The following FANCL variants were observed in gnomAD, a reference collection of about 807,000 sequenced individuals.
The protein encoded by FANCL is FA complementation group L.
FANCL carries 69 observed loss-of-function variants against 59.4 expected under a neutral mutation model. The ratio of observed to expected loss-of-function variants is 1.16; its 90% CI spans 0.96 to 1.42. FANCL has a LOEUF of 1.42. Among genes scored for constraint, FANCL ranks in the 40% most tolerant of loss-of-function variants. FANCL has a pLI of 0.00. For missense variants in FANCL, 519 were observed against 447.2 expected (o/e 1.16, Z -1.45); for synonymous variants, 180 against 147.1 (o/e 1.22, Z -1.62).
intron 7 of FANCL, among the ~76,000 whole-genome samples, chr2:58,171,880 G>A (rs987859007): frequency 1.3e-5 from 2 of 152,188 alleles, no homozygotes; most frequent in South Asian, 2.1e-4. Flanking sequence ...GACAGCACCC[G>A]GAAAATCGGG....
chr2:58,211,390 TG>T (rs1337721931), intron 5 of FANCL, among the ~76,000 whole-genome samples: 3 of 152,116 alleles, frequency 2.0e-5, no homozygotes, highest in Admixed American at 2.0e-4. Flanking sequence ...CACACAGTGC[TG>T]GGACCCTGTG....
intron 3 of FANCL, among the ~76,000 whole-genome samples, chr2:58,228,298 A>G (rs1476910975): frequency 2.0e-5 from 3 of 152,206 alleles, no homozygotes; most frequent in African/African-American, 7.2e-5. Context: ...AGAAAAAAAT[A>G]TTCTCAAGTT....
chr2:58,234,608 TC>T (rs1363962688), intron 1 of FANCL, among the ~76,000 whole-genome samples: 1 of 151,958 alleles, frequency 6.6e-6, no homozygotes, highest in African/African-American at 2.4e-5. Context: ...CAAGTACACT[TC>T]CTGGAGTTCC....
rs147860433 is a variant in FANCL at position 58,160,135 on chromosome 2, T to A, written c.1065A>T (p.Ile355=). Residue 355 remains isoleucine, a synonymous_variant, in exon 13 of 14, where the codon ATA becomes ATT. Coordinates refer to ENST00000233741, the MANE Select transcript of FANCL (RefSeq NM_018062.4). ...TACTACAATATGGACATTCACCAAA[T>A]ATGATGTTAAAACTCTGTCTACTAG... ...LLTSRQSFNI[I]FGECPYCSKP... is the part of the protein sequence containing the mutation. 6.2e-7 allele frequency: 1 copy of A among 1,612,898 alleles called. No homozygotes were observed. Among genetic ancestry groups the A allele is most frequent in the Admixed American group, 1.7e-5 (1 of 59,986 alleles).
At chr2:58,201,179 A>T (rs1689976091) in intron 6 of FANCL, among the ~76,000 whole-genome samples, 1 of 151,560 alleles carries the variant, frequency 6.6e-6, no homozygotes, top group African/African-American at 2.4e-5. Context: ...GATACTTTTC[A>T]ATAATAAGTT....
chr2:58,190,588 G>GA (rs1688836066), intron 7 of FANCL, among the ~76,000 whole-genome samples: 2 of 150,800 alleles, frequency 1.3e-5, no homozygotes, highest in African/African-American at 4.9e-5. Flanking sequence ...CATCCATAAA[G>GA]AAAAAAGTTA....
intron 6 of FANCL, among the ~76,000 whole-genome samples, chr2:58,201,732 C>T (rs887959557): frequency 1.3e-5 from 2 of 151,884 alleles, no homozygotes; most frequent in Non-Finnish European, 2.9e-5. Context: ...TGGTTTACTT[C>T]TACTTATTTA....
At chr2:58,225,775 T>C (rs895470882) in intron 4 of FANCL, among the ~76,000 whole-genome samples, 1 of 151,936 alleles carries the variant, frequency 6.6e-6, no homozygotes, top group Non-Finnish European at 1.5e-5. Context: ...TGTAGAAGAT[T>C]TTATAGGACA....
At chr2:58,241,375 T>C, upstream of FANCL, 1 of 1,531,332 alleles carries the variant, frequency 6.5e-7, no homozygotes, top group Non-Finnish European at 9.0e-7. Flanking sequence ...ACATGCGCAG[T>C]CCGCTGGCGC....
intron 7 of FANCL, among the ~76,000 whole-genome samples, chr2:58,183,500 A>G (rs1407232683): frequency 2.0e-5 from 3 of 151,920 alleles, no homozygotes; most frequent in Non-Finnish European, 2.9e-5. Context: ...TGTAGGTCCT[A>G]TTGAATCTTT....
intron 5 of FANCL, among the ~76,000 whole-genome samples, chr2:58,215,988 C>G (rs1168317833): frequency 6.6e-6 from 1 of 151,954 alleles, no homozygotes; most frequent in African/African-American, 2.4e-5. Flanking sequence ...AGTGAATACC[C>G]CAGGATCTCT....
At chr2:58,212,012 C>T (rs1223588675) in intron 5 of FANCL, among the ~76,000 whole-genome samples, 1 of 152,212 alleles carries the variant, frequency 6.6e-6, no homozygotes, top group Non-Finnish European at 1.5e-5. Flanking sequence ...GTCGCTTCCA[C>T]ATTTTCAGGT....
At position 58,163,418 on chromosome 2, in the gene FANCL, A is replaced by C. The variant is rs1285873283; in HGVS notation, c.775+16T>G. 6.4e-7 allele frequency: 1 copy of C among 1,569,260 alleles called. No individual in the cohort carries two copies. Among genetic ancestry groups the C allele is most frequent in the Non-Finnish European group, 8.8e-7 (1 of 1,139,712 alleles). ...TATGACTCTATTAAAAAACGTTTAA[A>C]TCTCAGATGTCATACCATGGTCAGC... is the stretch of plus-strand genomic sequence containing the variant. On this transcript the variant is annotated intron_variant, in intron 9 of 13. Coordinates refer to ENST00000233741, the MANE Select transcript of FANCL (RefSeq NM_018062.4).
intron 12 of FANCL, 41 bp downstream of exon 12, chr2:58,161,481 T>C: frequency 8.5e-7 from 1 of 1,179,932 alleles, no homozygotes; most frequent in Non-Finnish European, 1.3e-6. Flanking sequence ...TCCTATGTTG[T>C]GTTAGCGGAA....
intron 1 of FANCL, 67 bp downstream of exon 1, chr2:58,241,151 C>T: frequency 1.3e-6 from 2 of 1,561,054 alleles, no homozygotes; most frequent in Non-Finnish European, 1.8e-6. Context: ...TAGCCCGTCA[C>T]AGACTTCTCC....
At chr2:58,225,118 G>C (rs1001820007) in intron 4 of FANCL, among the ~76,000 whole-genome samples, 1 of 151,384 alleles carries the variant, frequency 6.6e-6, no homozygotes, top group African/African-American at 2.4e-5. Flanking sequence ...CCAATATGAA[G>C]GGACTTGTGC....
At chr2:58,196,983 TAAA>T (rs963146342) in intron 7 of FANCL, among the ~76,000 whole-genome samples, 1 of 151,418 alleles carries the variant, frequency 6.6e-6, no homozygotes, top group Non-Finnish European at 1.5e-5. Flanking sequence ...TTTTTTAAAA[TAAA>T]AAAAGAAAGC....
chr2:58,201,422 T>C (rs1384107290), intron 6 of FANCL, among the ~76,000 whole-genome samples: 1 of 151,934 alleles, frequency 6.6e-6, no homozygotes, highest in Non-Finnish European at 1.5e-5. Flanking sequence ...TCACACACAG[T>C]ATTTTTTAGA....
intron 7 of FANCL, among the ~76,000 whole-genome samples, chr2:58,182,862 C>G (rs181986608): frequency 5.9e-5 from 9 of 151,536 alleles, no homozygotes; most frequent in African/African-American, 2.2e-4. Flanking sequence ...TGATTAAGAT[C>G]AAAAACTATA....
Sources: gnomAD v4.1 joint callset for allele counts (sites outside exome capture counted in the v4.1 genomes callset) on GRCh38, gnomAD v4.1.1 for gene constraint, MANE v1.5 for transcripts, NCBI Gene and HGNC (gene_info 2026-07-23, HGNC 2026-07-21) for gene names.